TMEM114: variants seen among roughly 807,000 people sequenced by gnomAD.
TMEM114 encodes the protein transmembrane protein 114.
Under a neutral mutation model 6.2 loss-of-function variants are expected in TMEM114, and 6 were observed. The observed-to-expected ratio is 0.97, with a 90% confidence interval of 0.53 to 1.91. TMEM114 has a LOEUF of 1.91. Among genes scored for constraint, TMEM114 ranks in the 40% most tolerant of loss-of-function variants. The probability of loss-of-function intolerance (pLI) is 0.01; values close to 1 mark genes in which losing one functional copy is unlikely to be tolerated. For synonymous variants in TMEM114, 104 were observed against 73.0 expected (o/e 1.42, Z -2.16); for missense variants, 218 against 158.3 (o/e 1.38, Z -2.02).
intron 2 of TMEM114, among the ~76,000 whole-genome samples, chr16:8,560,464 G>T (rs894750721): frequency 1.3e-5 from 2 of 152,176 alleles, no homozygotes; most frequent in Non-Finnish European, 2.9e-5. Flanking sequence ...ACAAAAGTTT[G>T]CATGCCAGGG....
At chr16:8,572,836 G>A (rs944285321) in intron 2 of TMEM114, among the ~76,000 whole-genome samples, 2 of 152,188 alleles carry the variant, frequency 1.3e-5, no homozygotes, top group African/African-American at 4.8e-5. Flanking sequence ...ACTTGGGATT[G>A]GGGGATGGCT....
At chr16:8,564,115 A>C (rs1318140474) in intron 2 of TMEM114, among the ~76,000 whole-genome samples, 2 of 137,632 alleles carry the variant, frequency 1.5e-5, no homozygotes, top group South Asian at 2.4e-4. Context: ...GGAAATAAGT[A>C]AGTGAATGAG....
chr16:8,559,464 G>C (rs750247220), intron 2 of TMEM114, among the ~76,000 whole-genome samples: 1 of 152,184 alleles, frequency 6.6e-6, no homozygotes, highest in African/African-American at 2.4e-5. Flanking sequence ...GGCCCGCCAT[G>C]GGCTCCCTGA....
intron 2 of TMEM114, among the ~76,000 whole-genome samples, chr16:8,554,094 A>G (rs913303568): frequency 3.9e-5 from 6 of 151,984 alleles, no homozygotes; most frequent in African/African-American, 1.4e-4. Flanking sequence ...GCCCAGGCTG[A>G]TCTTGAACTC....
chr16:8,550,361 T>A (rs979030207), intron 2 of TMEM114, among the ~76,000 whole-genome samples: 9 of 152,206 alleles, frequency 5.9e-5, no homozygotes, highest in African/African-American at 1.9e-4. Flanking sequence ...CCTAGAATTT[T>A]GTTCGTGTTC....
intron 2 of TMEM114, among the ~76,000 whole-genome samples, chr16:8,547,352 A>T (rs914594714): frequency 1.3e-5 from 2 of 150,350 alleles, no homozygotes; most frequent in Admixed American, 6.6e-5. Flanking sequence ...ATGCATTCCC[A>T]TTGCCCCTGA....
chr16:8,572,384 A>C, intron 2 of TMEM114, 160 bp from the exon 3 acceptor site: 1 of 776,400 alleles, frequency 1.3e-6, no homozygotes, highest in South Asian at 1.7e-5. Context: ...GATGATGACC[A>C]TGACAACAGT....
the TMEM114 span, among the ~76,000 whole-genome samples, chr16:8,530,203 T>C: frequency 5.9e-3 from 901 of 152,298 alleles, 7 homozygotes; most frequent in African/African-American, 0.021. Flanking sequence ...GCCAGTGCCC[T>C]AATCTCTCTG....
chr16:8,541,745 C>T (rs750961970), intron 2 of TMEM114, among the ~76,000 whole-genome samples: 1 of 152,066 alleles, frequency 6.6e-6, no homozygotes, highest in East Asian at 1.9e-4. Context: ...CTAAAGAGAA[C>T]CCAACATAAG....
the TMEM114 span, among the ~76,000 whole-genome samples, chr16:8,527,678 G>A: frequency 2.6e-5 from 4 of 152,102 alleles, no homozygotes; most frequent in East Asian, 5.8e-4. Context: ...GTAGTTTTGG[G>A]CCCCACTATA....
chr16:8,557,373 A>G (rs1483655578), intron 2 of TMEM114, among the ~76,000 whole-genome samples: 1 of 152,116 alleles, frequency 6.6e-6, no homozygotes, highest in Non-Finnish European at 1.5e-5. Context: ...GCCCATGGGG[A>G]GAGCCATATG....
At chr16:8,559,849 A>G (rs1901141592) in intron 2 of TMEM114, among the ~76,000 whole-genome samples, 1 of 152,178 alleles carries the variant, frequency 6.6e-6, no homozygotes, top group Non-Finnish European at 1.5e-5. Flanking sequence ...ACAAGGACTG[A>G]GATCCCCATG....
intron 2 of TMEM114, among the ~76,000 whole-genome samples, chr16:8,573,367 A>G (rs958217076): frequency 6.6e-6 from 1 of 152,192 alleles, no homozygotes; most frequent in Non-Finnish European, 1.5e-5. Context: ...CCATTTCTAG[A>G]GAACTCCCAA....
At chr16:8,540,735 C>T (rs777672828) in intron 2 of TMEM114, among the ~76,000 whole-genome samples, 1 of 152,194 alleles carries the variant, frequency 6.6e-6, no homozygotes, top group Non-Finnish European at 1.5e-5. Context: ...TTGGAGCTTA[C>T]AGACTGGTGG....
At chr16:8,577,624 C>T (rs981773637) in intron 2 of TMEM114, among the ~76,000 whole-genome samples, 10 of 151,432 alleles carry the variant, frequency 6.6e-5, no homozygotes, top group African/African-American at 2.4e-4. Context: ...CGCTCTGTCA[C>T]CCAGGCTGGA....
chr16:8,540,592 G>T (rs1276148642), intron 2 of TMEM114, among the ~76,000 whole-genome samples: 3 of 142,074 alleles, frequency 2.1e-5, no homozygotes, highest in Non-Finnish European at 3.1e-5. Context: ...AGACTTGGGA[G>T]TTGATAAGAA....
At chr16:8,536,695 G>C (rs1258301153), downstream of TMEM114, among the ~76,000 whole-genome samples, 1 of 151,674 alleles carries the variant, frequency 6.6e-6, no homozygotes, top group African/African-American at 2.4e-5. Context: ...TTTGTTTTGG[G>C]TTTTTTGCTT....
chr16:8,560,072 C>T (rs11077318), intron 2 of TMEM114, among the ~76,000 whole-genome samples: 11,265 of 152,200 alleles, frequency 0.074, 643 homozygotes, highest in South Asian at 0.22. Flanking sequence ...TCACAGCTCA[C>T]TGCAGCCTCG....
At chr16:8,529,729 TAAAAAAA>T in the TMEM114 span, among the ~76,000 whole-genome samples, 5 of 135,722 alleles carry the variant, frequency 3.7e-5, no homozygotes, top group Admixed American at 3.0e-4. Context: ...AAAGAAAACT[TAAAAAAA>T]AAAAAAAAGT....
Sources: allele counts gnomAD v4.1 joint callset (sites outside exome capture counted in the v4.1 genomes callset), GRCh38; gene constraint gnomAD v4.1.1; transcripts MANE v1.5; gene names NCBI Gene and HGNC (gene_info 2026-07-23, HGNC 2026-07-21).